Variants in MIR2052HG observed in about 807,000 individuals in gnomAD.
The protein encoded by MIR2052HG is MIR2052 host gene.
intron 4 of MIR2052HG, chr8:74,752,426 A>G: frequency 2.2e-6 from 1 of 453,834 alleles, no homozygotes; most frequent in Non-Finnish European, 4.4e-6. Flanking sequence ...TGTGTCTGTG[A>G]ATTTCATGCA....
intron 2 of MIR2052HG, among the ~76,000 whole-genome samples, chr8:74,616,044 G>T (rs558529610): frequency 6.6e-6 from 1 of 152,172 alleles, no homozygotes; most frequent in Non-Finnish European, 1.5e-5. Context: ...CCAAGTCTTT[G>T]CTATTGTGAA....
At chr8:74,690,752 T>C (rs892198212) in intron 2 of MIR2052HG, among the ~76,000 whole-genome samples, 5 of 152,156 alleles carry the variant, frequency 3.3e-5, no homozygotes, top group African/African-American at 9.7e-5. Context: ...GAGCCTTCTA[T>C]ACCTTGTAAG....
intron 1 of MIR2052HG, chr8:74,603,305 C>T (rs1808052447): frequency 6.3e-7 from 1 of 1,594,030 alleles, no homozygotes; most frequent in South Asian, 1.1e-5. Flanking sequence ...CTCCCCATGC[C>T]ACCCGTCTCC....
At chr8:74,633,900 C>T (rs1381864031) in intron 2 of MIR2052HG, among the ~76,000 whole-genome samples, 1 of 152,150 alleles carries the variant, frequency 6.6e-6, no homozygotes, top group Non-Finnish European at 1.5e-5. Flanking sequence ...TTGTACATTT[C>T]TAAGTTGGTT....
intron 2 of MIR2052HG, among the ~76,000 whole-genome samples, chr8:74,668,025 G>A (rs1808949781): frequency 6.7e-6 from 1 of 149,004 alleles, no homozygotes; most frequent in Non-Finnish European, 1.5e-5. Context: ...TGACTGGAAT[G>A]GAAAAAAAAA....
At chr8:74,634,012 CT>C (rs1018328775) in intron 2 of MIR2052HG, among the ~76,000 whole-genome samples, 1 of 152,074 alleles carries the variant, frequency 6.6e-6, no homozygotes, top group Admixed American at 6.6e-5. Context: ...AGTTTCTTTC[CT>C]CAAATATCTG....
chr8:74,608,698 T>C (rs935775724), intron 1 of MIR2052HG, among the ~76,000 whole-genome samples: 11 of 152,046 alleles, frequency 7.2e-5, no homozygotes, highest in African/African-American at 2.4e-4. Context: ...TATAAAGACA[T>C]TTCTAAGTAA....
chr8:74,703,919 A>T (rs530634570), intron 4 of MIR2052HG, among the ~76,000 whole-genome samples: 96 of 152,160 alleles, frequency 6.3e-4, no homozygotes, highest in African/African-American at 2.3e-3. Context: ...TATTACAATA[A>T]GTGGAGATCC....
At chr8:74,749,721 T>C (rs1332186494) in intron 4 of MIR2052HG, among the ~76,000 whole-genome samples, 1 of 151,674 alleles carries the variant, frequency 6.6e-6, no homozygotes, top group East Asian at 1.9e-4. Flanking sequence ...TGGTGTCGGG[T>C]GCCTGTAATC....
intron 4 of MIR2052HG, among the ~76,000 whole-genome samples, chr8:74,739,029 A>G (rs1054917045): frequency 1.3e-5 from 2 of 152,198 alleles, no homozygotes; most frequent in African/African-American, 4.8e-5. Flanking sequence ...TAAAGTTTTT[A>G]AAGTTCATTA....
At chr8:74,660,798 G>C (rs1010334742) in intron 2 of MIR2052HG, among the ~76,000 whole-genome samples, 2 of 138,218 alleles carry the variant, frequency 1.4e-5, no homozygotes, top group African/African-American at 5.8e-5. Flanking sequence ...ATCTTCCTAA[G>C]AGCCCTGAAA....
chr8:74,705,835 A>T (rs1285291398), intron 4 of MIR2052HG: 1 of 168,454 alleles, frequency 5.9e-6, no homozygotes, highest in Admixed American at 6.6e-5. Flanking sequence ...TATTTACGAT[A>T]AAACTAGGCC....
chr8:74,745,257 C>T lies in MIR2052HG; in HGVS notation n.372-7184C>T, dbSNP rs182102189. On this transcript the variant is annotated intron_variant and non_coding_transcript_variant, in intron 4 of 6. Transcript: ENST00000523442. ...CAGTCTGGGTGGCAGAGCTAGACCT[C>T]ATCTCAAAAACAAAGCAATGCAGAA... Among the ~76,000 whole-genome samples the T allele has an allele frequency of 4.1e-4, 63 of 152,148 alleles. 1 individual carries two copies. Among genetic ancestry groups the T allele is most frequent in the African/African-American group, 1.4e-3 (58 of 41,518 alleles).
At chr8:74,734,718 G>A (rs534253984) in intron 4 of MIR2052HG, among the ~76,000 whole-genome samples, 1 of 152,252 alleles carries the variant, frequency 6.6e-6, no homozygotes, top group South Asian at 2.1e-4. Flanking sequence ...TGAGGCCACT[G>A]CAGAGCAGCC....
intron 2 of MIR2052HG, among the ~76,000 whole-genome samples, chr8:74,633,698 C>G (rs552996001): frequency 2.6e-5 from 4 of 152,208 alleles, no homozygotes; most frequent in Non-Finnish European, 5.9e-5. Flanking sequence ...TGGGGCTGCA[C>G]TCAGCATTGA....
At chr8:74,618,723 A>AGATAAGG in intron 2 of MIR2052HG, among the ~76,000 whole-genome samples, 1 of 152,346 alleles carries the variant, frequency 6.6e-6, no homozygotes, top group East Asian at 1.9e-4. Context: ...TTTTCCTGTG[A>AGATAAGG]GATAAGGAAC....
chr8:74,684,994 A>G (rs1809164417), intron 2 of MIR2052HG, among the ~76,000 whole-genome samples: 1 of 152,126 alleles, frequency 6.6e-6, no homozygotes, highest in Non-Finnish European at 1.5e-5. Flanking sequence ...AATGATTGTC[A>G]GCTTTCAGCA....
chr8:74,602,356 A>G (rs930814131), intron 1 of MIR2052HG, among the ~76,000 whole-genome samples: 1 of 152,230 alleles, frequency 6.6e-6, no homozygotes, highest in Non-Finnish European at 1.5e-5. Context: ...TGGTCTAAAA[A>G]GGGAAGGAAC....
intron 2 of MIR2052HG, among the ~76,000 whole-genome samples, chr8:74,688,059 T>C (rs1190229381): frequency 6.6e-6 from 1 of 152,202 alleles, no homozygotes; most frequent in East Asian, 1.9e-4. Context: ...TGATCACTGC[T>C]TACAAGAGAG....
Sources: gnomAD v4.1 joint callset for allele counts (sites outside exome capture counted in the v4.1 genomes callset) on GRCh38, gnomAD v4.1.1 for gene constraint, MANE v1.5 for transcripts, NCBI Gene and HGNC (gene_info 2026-07-23, HGNC 2026-07-21) for gene names.